Variants in VPS16 observed in about 807,000 individuals in gnomAD.
VPS16 encodes the protein VPS16 core subunit of CORVET and HOPS complexes, also known as vacuolar protein sorting-associated protein 16 homolog.
A neutral mutation model predicts 116.0 loss-of-function variants in VPS16; 82 were observed. The ratio of observed to expected loss-of-function variants is 0.71; its 90% confidence interval spans 0.59 to 0.85. The LOEUF is 0.85. VPS16 is among the 40% of genes least tolerant of loss of function. VPS16 has a pLI of 0.00. For synonymous variants in VPS16, 406 were observed against 420.7 expected, an observed-to-expected ratio of 0.96 and a Z score of 0.43; for missense variants, 928 against 1,090.6, an observed-to-expected ratio of 0.85 and a Z score of 2.10.
chr20:2,865,167 G>A lies in VPS16; in HGVS notation c.2024G>A (p.Arg675Gln), dbSNP rs772582946. The change falls in exon 21 of 24, where the codon CGG becomes CAG. Residue 675 changes from arginine to glutamine, a missense_variant. Coordinates refer to ENST00000380445, the MANE Select transcript of VPS16 (RefSeq NM_022575.4). The surrounding 1 kb of genome is among the most constrained non-coding windows in gnomAD (Gnocchi z 5.2). ...FAAKATEDQMRLLRLQRRLED... is the reference protein window; with the variant it reads ...FAAKATEDQMQLLRLQRRLED... Reference sequence around the variant, plus strand: ...CCCCAGGCTACAGAGGATCAAATGCGGCTCCTACGGCTGCAGCGGCGCCTA... The same window carrying A: ...CCCCAGGCTACAGAGGATCAAATGCAGCTCCTACGGCTGCAGCGGCGCCTA... The A allele has an allele frequency of 8.7e-6, 14 of 1,614,110 alleles. No individual in the cohort carries two copies. Among genetic ancestry groups the A allele is most frequent in the Admixed American group, 1.7e-5 (1 of 60,016 alleles).
At chr20:2,842,741 T>TAGAC (rs367641946) in intron 1 of VPS16, among the ~76,000 whole-genome samples, 1 of 22,382 alleles carries the variant, frequency 4.5e-5, no homozygotes, top group African/African-American at 3.1e-4. Flanking sequence ...TATCTATAGA[T>TAGAC]ACATATAGAT....
chr20:2,849,574 C>T (rs923324666), intron 1 of VPS16, among the ~76,000 whole-genome samples: 1 of 151,814 alleles, frequency 6.6e-6, no homozygotes, highest in African/African-American at 2.4e-5. Flanking sequence ...GCTGAGATTA[C>T]AGATGTGAGC....
chr20:2,851,873 A>G (rs2089125676), intron 1 of VPS16, among the ~76,000 whole-genome samples: 1 of 152,038 alleles, frequency 6.6e-6, no homozygotes, highest in South Asian at 2.1e-4. Context: ...CAGGAGGCTG[A>G]GGTAGGAGGA....
At chr20:2,842,678 A>AGATAGATG (rs1352506165) in intron 1 of VPS16, among the ~76,000 whole-genome samples, 1 of 141,922 alleles carries the variant, frequency 7.0e-6, no homozygotes, top group African/African-American at 2.8e-5. Flanking sequence ...GTATCTATAT[A>AGATAGATG]TATATAGATA....
chr20:2,866,161 C>A, intron 22 of VPS16, 51 bp from the exon 23 acceptor site: 1 of 1,532,736 alleles, frequency 6.5e-7, no homozygotes, highest in Non-Finnish European at 9.0e-7. Flanking sequence ...AGAGAGAGGA[C>A]AGGAGGGCTG....
At chr20:2,856,896 C>T (rs2089176811) in intron 1 of VPS16, among the ~76,000 whole-genome samples, 1 of 151,974 alleles carries the variant, frequency 6.6e-6, no homozygotes, top group African/African-American at 2.4e-5. Context: ...CTCATATTTT[C>T]AAAATGTTCT....
At chr20:2,857,225 C>T (rs2089180434) in intron 1 of VPS16, among the ~76,000 whole-genome samples, 1 of 152,150 alleles carries the variant, frequency 6.6e-6, no homozygotes, top group South Asian at 2.1e-4. Flanking sequence ...GATCTTCCCA[C>T]CTTGGCCTCC....
Position 2,864,978 on chromosome 20 carries a change from C to T in VPS16, c.1927C>T (p.Arg643Cys), listed in dbSNP as rs199753911. 1,102 of 1,614,114 alleles carry T rather than the reference C, an allele frequency of 6.8e-4. 21 individuals are homozygous for T. In the South Asian group the frequency reaches 0.011, roughly 16 times the overall value. Residue 643 changes from arginine (R) to cysteine (C), a missense_variant and splice_region_variant, in exon 20 of 24, where the codon CGT (arginine) becomes TGT (cysteine). By Grantham distance (180) the Arg-to-Cys change is radical. Transcript: ENST00000380445. This position sits in a 1 kb window ranked among gnomAD's most constrained non-coding sequence, Gnocchi z 5.2. ...CAGGCCTTCCTTCTTGTCTTTATAG[C>T]GTATTGAGGGGCGAGTAGCAGCTCT... ...HIRASYAAEE[R>C]IEGRVAALQT...
At chr20:2,851,547 A>G (rs2089121399) in intron 1 of VPS16, among the ~76,000 whole-genome samples, 1 of 152,046 alleles carries the variant, frequency 6.6e-6, no homozygotes, top group African/African-American at 2.4e-5. Flanking sequence ...CTGTAATCCC[A>G]GCTACTTGGG....
chr20:2,862,027 C>T (rs1347645661), intron 10 of VPS16, 27 bp from the exon 11 acceptor site: 2 of 1,612,562 alleles, frequency 1.2e-6, no homozygotes, highest in Admixed American at 1.7e-5. Context: ...CTGCCTTTCT[C>T]CCTCACTCAC....
chr20:2,846,408 C>T (rs757059639), intron 1 of VPS16, among the ~76,000 whole-genome samples: 2 of 151,868 alleles, frequency 1.3e-5, no homozygotes, highest in Non-Finnish European at 2.9e-5. Context: ...TAAGCCATTG[C>T]ACCCGGCCTC....
At chr20:2,854,055 T>G (rs1456512018) in intron 1 of VPS16, among the ~76,000 whole-genome samples, 1 of 152,094 alleles carries the variant, frequency 6.6e-6, no homozygotes, top group African/African-American at 2.4e-5. Context: ...CTTTCCAGGC[T>G]TTCAGTTTTG....
chr20:2,845,556 G>A (rs542106555), intron 1 of VPS16, among the ~76,000 whole-genome samples: 14 of 149,684 alleles, frequency 9.4e-5, no homozygotes, highest in African/African-American at 2.7e-4. Flanking sequence ...GTAGTGGCAC[G>A]CACATGTAAT....
At position 2,863,412 on chromosome 20, in the gene VPS16, A is replaced by T. The variant is rs2089265260; in HGVS notation, c.1476+14A>T. The T allele has an allele frequency of 6.2e-7, 1 of 1,613,006 alleles. No individual in the cohort carries two copies. Among genetic ancestry groups the T allele is most frequent in the African/African-American group, 1.3e-5 (1 of 74,912 alleles). ...GCCTGCTACAAGGCAAGGATGTGGG[A>T]TGGGGTCCAAGGGCATTTAGAGGAT... On this transcript the variant is annotated intron_variant, in intron 15 of 23. Coordinates refer to ENST00000380445, the MANE Select transcript of VPS16 (RefSeq NM_022575.4). The surrounding 1 kb of genome is among the most constrained non-coding windows in gnomAD (Gnocchi z 4.4).
chr20:2,857,796 T>C (rs2089188356), intron 1 of VPS16, among the ~76,000 whole-genome samples: 1 of 151,230 alleles, frequency 6.6e-6, no homozygotes, highest in Non-Finnish European at 1.5e-5. Flanking sequence ...CTGTAACTTC[T>C]GCCTCCTGGG....
rs985792666 is a variant in VPS16, at chr20:2,861,627, T to C, written c.822T>C (p.Pro274=). The change falls in exon 9 of 24, where the codon CCT becomes CCC. Residue 274 remains proline, a synonymous_variant. Coordinates refer to ENST00000380445, the MANE Select transcript of VPS16 (RefSeq NM_022575.4). Reference sequence around the variant, plus strand: ...ATGCTGCTCACAGGTGCAGCCGTCCTCGTAGCAAGGAGAGGGCCGTGGTGG... The same window carrying C: ...ATGCTGCTCACAGGTGCAGCCGTCCCCGTAGCAAGGAGAGGGCCGTGGTGG... ...PPKQMVWCSR[P]RSKERAVVVA... is the part of the protein sequence containing the mutation. 1 of 1,611,566 alleles carries C rather than the reference T, an allele frequency of 6.2e-7. No homozygotes were observed. The highest frequency in any genetic ancestry group is 1.3e-5 in the African/African-American group (1 of 74,844).
intron 2 of VPS16, 68 bp downstream of exon 2, chr20:2,859,875 G>C (rs2089208678): frequency 5.8e-6 from 9 of 1,543,750 alleles, no homozygotes; most frequent in Non-Finnish European, 8.0e-6. Flanking sequence ...TGATTCCTGG[G>C]GCCCTGCTGT....
At chr20:2,849,620 G>A (rs906239313) in intron 1 of VPS16, among the ~76,000 whole-genome samples, 1 of 151,760 alleles carries the variant, frequency 6.6e-6, no homozygotes, top group Admixed American at 6.6e-5. Flanking sequence ...TTTTTTGGGG[G>A]GGGTGGGTGC....
chr20:2,853,421 C>T (rs1332035487), intron 1 of VPS16, among the ~76,000 whole-genome samples: 3 of 151,028 alleles, frequency 2.0e-5, no homozygotes, highest in Non-Finnish European at 4.4e-5. Context: ...AAAAAAAAAC[C>T]CACTTTCTTT....
Sources: gnomAD v4.1 joint callset for allele counts (sites outside exome capture counted in the v4.1 genomes callset) on GRCh38, gnomAD v4.1.1 for gene constraint, Gnocchi (gnomAD v3.1) non-coding constraint, MANE v1.5 for transcripts, NCBI Gene and HGNC (gene_info 2026-07-23, HGNC 2026-07-21) for gene names.